The following ITPK1 variants were observed in gnomAD, a reference collection of about 807,000 sequenced individuals.
ITPK1 encodes inositol 1,3,4-trisphosphate 5/6-kinase.
A neutral mutation model predicts 45.3 loss-of-function variants in ITPK1; 21 were observed. That is an observed-to-expected ratio of 0.46 (90% CI 0.33 to 0.67). ITPK1 has a LOEUF of 0.67. Among genes scored for constraint, ITPK1 ranks in the 30% least tolerant of loss-of-function variants. ITPK1 has a pLI of 0.02. For synonymous variants in ITPK1, 258 were observed against 253.6 expected, an observed-to-expected ratio of 1.02 and a Z score of -0.16; for missense variants, 474 against 573.5, an observed-to-expected ratio of 0.83 and a Z score of 1.77.
At chr14:93,037,281 C>T (rs902942678) in intron 3 of ITPK1, among the ~76,000 whole-genome samples, 2 of 152,252 alleles carry the variant, frequency 1.3e-5, no homozygotes, top group African/African-American at 2.4e-5. Context: ...CAGCCTAGGA[C>T]GTCAGATCCT....
intron 3 of ITPK1, among the ~76,000 whole-genome samples, chr14:93,060,065 G>A (rs1425485404): frequency 6.6e-6 from 1 of 151,924 alleles, no homozygotes; most frequent in African/African-American, 2.4e-5. Context: ...GAGGGCAGGA[G>A]GAGGGGGGTG....
rs751323716 is a variant in ITPK1, at chr14:92,941,526, G to A, written c.*35C>T. 54 of 1,504,606 alleles carry A rather than the reference G, an allele frequency of 3.6e-5. No homozygotes were observed. The Admixed American group carries it at 3.7e-4, about 10-fold the overall frequency. The allele number at this position is 1,504,606 out of a possible 1,614,324, so 93.2% of individuals were successfully genotyped here. A position where few individuals can be genotyped will look rare whatever the true frequency, so the allele number is the denominator to read the frequency against. On this transcript the variant is annotated 3_prime_UTR_variant, in exon 11 of 11. Transcript: ENST00000267615. ...TGCTGGCCCAGCGGGTGTGCTCTGC[G>A]CCCTGCGCTGCCCCTCTGGGTCCCG...
intron 4 of ITPK1, among the ~76,000 whole-genome samples, chr14:92,995,936 T>A (rs570472375): frequency 7.5e-4 from 114 of 152,330 alleles, no homozygotes; most frequent in Non-Finnish European, 1.4e-3. Flanking sequence ...CTCGTCTCAT[T>A]TGGGAGCTCT....
chr14:93,016,756 T>C lies in ITPK1; in HGVS notation c.166A>G (p.Ile56Val). The C allele has an allele frequency of 1.9e-6, 3 of 1,614,146 alleles. No individual in the cohort carries two copies. Among genetic ancestry groups the C allele is most frequent in the South Asian group, 2.2e-5 (2 of 91,080 alleles). Residue 56 changes from isoleucine to valine, a missense_variant, in exon 4 of 11, where the codon ATC becomes GTC. Ile to Val is a conservative substitution (Grantham distance 29). Around this residue, in one of 2 missense-constraint regions of ITPK1, gnomAD observed 367 missense variants for 480.6 expected, o/e 0.76. Coordinates refer to ENST00000267615, the MANE Select transcript of ITPK1 (RefSeq NM_014216.6). The surrounding 1 kb of genome is among the most constrained non-coding windows in gnomAD (Gnocchi z 5.0). ...ATGACGTCAGTCAGCTTGTGGATGATGACGTCCAGGGGGCCCTGCTCCTCG... is the reference window on the plus strand; with the variant it reads ...ATGACGTCAGTCAGCTTGTGGATGACGACGTCCAGGGGGCCCTGCTCCTCG... The part of the protein sequence containing the change: ...PIEEQGPLDV[I>V]IHKLTDVILE...
At position 92,941,007 on chromosome 14, in the gene ITPK1, G is replaced by A. The variant is rs1452921399; in HGVS notation, c.*554C>T. 2 of 1,265,748 alleles carry A rather than the reference G, an allele frequency of 1.6e-6. No homozygotes were observed. The highest frequency in any genetic ancestry group is 1.5e-5 in the African/African-American group (1 of 65,354). The allele number at this position is 1,265,748 out of a possible 1,614,324, so 78.4% of individuals were successfully genotyped here. ...CTGTGGCCTCCTCTGGCTGTGGGGAGGGAGGGGTTAGCTGCACACCAGGCA... is the reference window on the plus strand; with the variant it reads ...CTGTGGCCTCCTCTGGCTGTGGGGAAGGAGGGGTTAGCTGCACACCAGGCA... On this transcript the variant is annotated 3_prime_UTR_variant, in exon 11 of 11. Coordinates refer to ENST00000267615, the MANE Select transcript of ITPK1 (RefSeq NM_014216.6).
intron 3 of ITPK1, among the ~76,000 whole-genome samples, chr14:93,019,297 G>T (rs1346155117): frequency 6.6e-6 from 1 of 152,192 alleles, no homozygotes; most frequent in African/African-American, 2.4e-5. Flanking sequence ...GGGTTCCCTT[G>T]GCGCTGGGGA....
At chr14:92,951,410 T>A (rs576293136) in intron 9 of ITPK1, among the ~76,000 whole-genome samples, 2 of 152,240 alleles carry the variant, frequency 1.3e-5, no homozygotes, top group South Asian at 4.1e-4. Context: ...TCTGATGCCA[T>A]GAGACCTGAT....
At chr14:93,070,569 G>C (rs899710241) in intron 3 of ITPK1, 6 of 152,280 alleles carry the variant, frequency 3.9e-5, no homozygotes, top group African/African-American at 1.4e-4. Context: ...CTAGGAACTG[G>C]GTTGAGCTCT....
At position 93,076,617 on chromosome 14, in the gene ITPK1, T is replaced by G. The variant is rs970149060; in HGVS notation, c.98A>C (p.Lys33Thr). 2 of 1,614,162 alleles carry G rather than the reference T, an allele frequency of 1.2e-6. No homozygotes were observed. The highest frequency in any genetic ancestry group is 3.3e-5 in the Admixed American group (2 of 60,018). The change falls in exon 3 of 11, where the codon AAG (lysine) becomes ACG (threonine). Residue 33 changes from lysine (K) to threonine (T), a missense_variant and splice_region_variant. Lys to Thr is a moderately conservative substitution (Grantham distance 78). Transcript: ENST00000267615. This position sits in a 1 kb window ranked among gnomAD's most constrained non-coding sequence, Gnocchi z 4.3. ...CACCTGCACAACCTCCATCCCTCGC[T>G]TCCTGTGGAGAAAAACAAAGAAAAC... ...NFQAFAELCR[K>T]RGMEVVQLNL...
Position 93,012,271 on chromosome 14 carries a change from C to T in ITPK1, c.246+4405G>A, listed in dbSNP as rs1273606191. 2.6e-5 allele frequency among the ~76,000 whole-genome samples: 4 copies of T among 152,188 alleles called. No homozygotes were observed. The highest frequency in any genetic ancestry group is 1.9e-4 in the East Asian group (1 of 5,198). On this transcript the variant is annotated intron_variant, in intron 4 of 10. Transcript: ENST00000267615. The surrounding 1 kb of genome is among the most constrained non-coding windows in gnomAD (Gnocchi z 4.9). Reference sequence around the variant, plus strand: ...CCACTGATAAAGAATTACGAACTTCCGAAGGGCATGAAGGAAAAGTGCAAA... The same window carrying T: ...CCACTGATAAAGAATTACGAACTTCTGAAGGGCATGAAGGAAAAGTGCAAA...
chr14:93,020,610 G>T (rs1170700290), intron 3 of ITPK1, among the ~76,000 whole-genome samples: 1 of 152,162 alleles, frequency 6.6e-6, no homozygotes, highest in African/African-American at 2.4e-5. Flanking sequence ...CTCCAGGATT[G>T]CACCGTAACC....
At chr14:92,980,922 G>A (rs1886195640) in intron 5 of ITPK1, among the ~76,000 whole-genome samples, 1 of 152,174 alleles carries the variant, frequency 6.6e-6, no homozygotes, top group Non-Finnish European at 1.5e-5. Context: ...TGGTCAGGCT[G>A]GTCTTGAGCT....
At chr14:92,979,260 T>C (rs1228832691) in intron 5 of ITPK1, among the ~76,000 whole-genome samples, 1 of 152,212 alleles carries the variant, frequency 6.6e-6, no homozygotes, top group Non-Finnish European at 1.5e-5. Context: ...GTACCCTCAT[T>C]GTATCTTGGA....
chr14:93,023,811 C>T (rs1348927454), intron 3 of ITPK1, among the ~76,000 whole-genome samples: 2 of 152,148 alleles, frequency 1.3e-5, no homozygotes, highest in African/African-American at 2.4e-5. Flanking sequence ...AGCCACATCA[C>T]GACGTGGCTA....
Position 92,949,080 on chromosome 14 carries a change from A to C in ITPK1, c.739-2587T>G, listed in dbSNP as rs1252867988. On this transcript the variant is annotated intron_variant, in intron 9 of 10. Transcript: ENST00000267615. Reference sequence around the variant, plus strand: ...TGGCTGTAAGAGACACTCATCCCTTAGCACTTTTCTTTCTTTTTTTTTTTT... The same window carrying C: ...TGGCTGTAAGAGACACTCATCCCTTCGCACTTTTCTTTCTTTTTTTTTTTT... Among the ~76,000 whole-genome samples, 3 of 150,502 alleles carry C rather than the reference A, an allele frequency of 2.0e-5. No homozygotes were observed. In the South Asian group the frequency reaches 6.3e-4, roughly 31 times the overall value.
chr14:93,001,088 T>C lies in ITPK1; in HGVS notation c.247-7091A>G, dbSNP rs114153764. 6.6e-3 allele frequency among the ~76,000 whole-genome samples: 997 copies of C among 150,352 alleles called. 7 individuals carry two copies. Among genetic ancestry groups the C allele is most frequent in the African/African-American group, 0.023 (947 of 40,694 alleles). On this transcript the variant is annotated intron_variant, in intron 4 of 10. Transcript: ENST00000267615. ...AGGTCAGGAGTTCAAAACCAGCCAG[T>C]TAGAGACCAGCCTGGCCAACATGGT...
At chr14:92,979,266 T>C (rs970143236) in intron 5 of ITPK1, among the ~76,000 whole-genome samples, 1 of 152,248 alleles carries the variant, frequency 6.6e-6, no homozygotes, top group South Asian at 2.1e-4. Flanking sequence ...TCATTGTATC[T>C]TGGAAGTAAC....
intron 2 of ITPK1, among the ~76,000 whole-genome samples, chr14:93,100,562 G>GAC (rs1892273186): frequency 6.9e-6 from 1 of 145,666 alleles, no homozygotes; most frequent in South Asian, 2.4e-4. Flanking sequence ...GAGAGACAGA[G>GAC]AGAGAGAGAG....
Position 92,958,065 on chromosome 14 carries a change from C to T in ITPK1, c.670+136G>A. 1 of 798,978 alleles carries T rather than the reference C, an allele frequency of 1.3e-6. No homozygotes were observed. The highest frequency in any genetic ancestry group is 1.6e-5 in the South Asian group (1 of 62,862). 49.5% of individuals were successfully genotyped at this position (798,978 alleles called of 1,614,324 possible). On this transcript the variant is annotated intron_variant, in intron 8 of 10. Coordinates refer to ENST00000267615, the MANE Select transcript of ITPK1 (RefSeq NM_014216.6). The surrounding 1 kb of genome is among the most constrained non-coding windows in gnomAD (Gnocchi z 4.4). ...CTTTATCCACCGTACACAACTGTTT[C>T]CACCTTTAGAGCACCTCTCCATCCC... is the stretch of plus-strand genomic sequence containing the variant.
Sources: allele counts gnomAD v4.1 joint callset (sites outside exome capture counted in the v4.1 genomes callset), GRCh38; gene constraint gnomAD v4.1.1; regional missense constraint gnomAD v4.1.1; non-coding constraint Gnocchi (gnomAD v3.1); transcripts MANE v1.5; gene names NCBI Gene and HGNC (gene_info 2026-07-23, HGNC 2026-07-21).